The following DLL4 variants were observed in gnomAD, a reference collection of about 807,000 sequenced individuals.
DLL4 encodes delta-like protein 4.
Under a neutral mutation model 73.6 loss-of-function variants are expected in DLL4, and 7 were observed. That is an observed-to-expected ratio of 0.10 (90% confidence interval 0.05 to 0.18). The LOEUF is 0.18. Among genes scored for constraint, DLL4 ranks in the 10% least tolerant of loss-of-function variants. DLL4 has a pLI of 1.00. For missense variants in DLL4, 614 were observed against 929.9 expected (o/e 0.66, Z 4.42); for synonymous variants, 345 against 374.3 (o/e 0.92, Z 0.90).
chr15:40,931,628 A>G lies in DLL4; in HGVS notation c.520A>G (p.Ile174Val), dbSNP rs1892772500. Residue 174 changes from isoleucine (I) to valine (V), a missense_variant, in exon 4 of 11, where the codon ATC becomes GTC. Ile to Val is a conservative substitution (Grantham distance 29). Coordinates refer to ENST00000249749, the MANE Select transcript of DLL4 (RefSeq NM_019074.4). The stretch of plus-strand genomic sequence containing the variant: ...AAGGCTGCGCTACTCTTACCGGGTC[A>G]TCTGCAGTGACAACTACTATGGAGA... ...LTRLRYSYRV[I>V]CSDNYYGDNC... 6.2e-7 allele frequency: 1 copy of G among 1,613,366 alleles called. No homozygotes were observed. Among genetic ancestry groups the G allele is most frequent in the African/African-American group, 1.3e-5 (1 of 74,948 alleles).
chr15:40,931,098 C>T, intron 3 of DLL4: 1 of 374,084 alleles, frequency 2.7e-6, no homozygotes, highest in Non-Finnish European at 4.8e-6. Flanking sequence ...CATTACCCAC[C>T]TCTGGAGGCA....
chr15:40,930,058 A>G lies in DLL4; in HGVS notation c.278A>G (p.Asp93Gly). The G allele has an allele frequency of 6.2e-7, 1 of 1,612,688 alleles. No individual in the cohort carries two copies. ...GGCACCAACTCCTTCGCTGTCCGGG[A>G]CGACAGTAGCGGCGGGGGGCGCAAC... is the stretch of plus-strand genomic sequence containing the variant. ...VLGTNSFAVR[D>G]DSSGGGRNPL... Residue 93 changes from aspartate (D) to glycine (G), a missense_variant, in exon 2 of 11, where the codon GAC becomes GGC. Asp to Gly is a moderately conservative substitution (Grantham distance 94). This residue lies in a region of DLL4 where 227 missense variants were observed against 370.8 expected (regional missense o/e 0.61). Transcript: ENST00000249749. This position sits in a 1 kb window ranked among gnomAD's most constrained non-coding sequence, Gnocchi z 5.7.
rs752743235 is a variant in DLL4 at position 40,937,468 on chromosome 15, T to C, written c.1994T>C (p.Met665Thr). The C allele has an allele frequency of 3.1e-6, 5 of 1,613,892 alleles. No individual in the cohort carries two copies. The Admixed American group carries it at 6.7e-5, about 22-fold the overall frequency. Residue 665 changes from methionine to threonine, a missense_variant, in exon 10 of 11, where the codon ATG becomes ACG. Transcript: ENST00000249749. ...ISAICSPRDS[M>T]YQSVCLISEE... ...GCGATATGCTCCCCCAGGGACTCCA[T>C]GTACCAGTCTGTGTGTTTGATATCA... is the stretch of plus-strand genomic sequence containing the variant.
At position 40,930,492 on chromosome 15, in the gene DLL4, C is replaced by T; in HGVS notation, c.337-133C>T. On this transcript the variant is annotated intron_variant, in intron 2 of 10. Transcript: ENST00000249749. This position sits in a 1 kb window ranked among gnomAD's most constrained non-coding sequence, Gnocchi z 5.7. ...TGCTCAAGCGCTACACTGTGCACAG[C>T]CCCGTTATGTTGACCCGGGCGCAGT... 1 of 777,986 alleles carries T rather than the reference C, an allele frequency of 1.3e-6. No individual in the cohort carries two copies. 48.2% of individuals were successfully genotyped at this position (777,986 alleles called of 1,614,324 possible).
At position 40,932,458 on chromosome 15, in the gene DLL4, G is replaced by T. The variant is rs1892783750; in HGVS notation, c.850+11G>T. ...TGTTTTGTGACCAAGGTGAGTCAGG[G>T]TGAAGAGAGGGTGCAGAGGGTGCAA... is the stretch of plus-strand genomic sequence containing the variant. On this transcript the variant is annotated intron_variant, in intron 6 of 10. Coordinates refer to ENST00000249749, the MANE Select transcript of DLL4 (RefSeq NM_019074.4). 1 of 1,613,818 alleles carries T rather than the reference G, an allele frequency of 6.2e-7. No homozygotes were observed. The highest frequency in any genetic ancestry group is 8.5e-7 in the Non-Finnish European group (1 of 1,179,858).
chr15:40,931,350 C>T, intron 3 of DLL4, 153 bp from the exon 4 acceptor site: 1 of 918,720 alleles, frequency 1.1e-6, no homozygotes, highest in South Asian at 1.6e-5. Flanking sequence ...GTCCCTCTGG[C>T]CTGTTCTTGC....
At position 40,929,400 on chromosome 15, in the gene DLL4, TG is replaced by T. The variant is rs2140368105; in HGVS notation, c.-267del. 2.3e-6 allele frequency: 1 copy of T among 438,468 alleles called. No individual in the cohort carries two copies. The highest frequency in any genetic ancestry group is 6.0e-5 in the South Asian group (1 of 16,684). 27.2% of individuals were successfully genotyped at this position (438,468 alleles called of 1,614,324 possible). On this transcript the variant is annotated 5_prime_UTR_variant, in exon 1 of 11. Transcript: ENST00000249749. The surrounding 1 kb of genome is among the most constrained non-coding windows in gnomAD (Gnocchi z 7.1). ...CCAAGAGCCGCAGCCCCAGCCGCCT[TG>T]GTGCAGCGTACACCGGCACTAGCCC...
At chr15:40,933,340 C>T (rs139544771) in intron 6 of DLL4, among the ~76,000 whole-genome samples, 100 of 151,614 alleles carry the variant, frequency 6.6e-4, no homozygotes, top group African/African-American at 2.3e-3. Context: ...ACTCACACAC[C>T]TGGTTCCTGC....
Position 40,934,574 on chromosome 15 carries a change from C to T in DLL4, c.877C>T (p.Pro293Ser). 1.2e-6 allele frequency: 2 copies of T among 1,613,838 alleles called. No individual in the cohort carries two copies. Among genetic ancestry groups the T allele is most frequent in the African/African-American group, 1.3e-5 (1 of 75,008 alleles). Residue 293 changes from proline to serine, a missense_variant, in exon 7 of 11, where the codon CCA becomes TCA. Physicochemically the swap from Pro to Ser is moderately conservative, Grantham distance 74. This residue lies in a region of DLL4 where 386 missense variants were observed against 541.3 expected (regional missense o/e 0.71). Transcript: ENST00000249749. ...TCTCAACTACTGCACCCACCACTCC[C>T]CATGCAAGAATGGGGCAACGTGCTC... ...QDLNYCTHHSPCKNGATCSNS... is the reference protein window; with the variant it reads ...QDLNYCTHHSSCKNGATCSNS...
chr15:40,934,517 C>G (rs752047601), intron 6 of DLL4, 31 bp from the exon 7 acceptor site: 1 of 1,609,544 alleles, frequency 6.2e-7, no homozygotes, highest in African/African-American at 1.3e-5. Flanking sequence ...TTCCCTGGCC[C>G]TGCTCAGCTG....
Position 40,936,998 on chromosome 15 carries a change from A to C in DLL4, c.1943+68A>C, listed in dbSNP as rs1892856041. On this transcript the variant is annotated intron_variant, in intron 9 of 10. Transcript: ENST00000249749. ...ACATGGTTCTGCCTAGGCTCCTCTT[A>C]GGCCAGGCGGGAAGCAGTTAAGCAG... The C allele has an allele frequency of 1.1e-5, 15 of 1,359,634 alleles. No individual in the cohort carries two copies. The South Asian group carries it at 2.2e-4, about 20-fold the overall frequency. The allele number at this position is 1,359,634 out of a possible 1,614,324, so 84.2% of individuals were successfully genotyped here. A position where few individuals can be genotyped will look rare whatever the true frequency, so the allele number is the denominator to read the frequency against.
chr15:40,937,364 C>A (rs1892859665), intron 9 of DLL4, 54 bp from the exon 10 acceptor site: 4 of 1,272,934 alleles, frequency 3.1e-6, no homozygotes, highest in African/African-American at 1.5e-5. Flanking sequence ...GGTCCTCCCT[C>A]CCCCCAAGCC....
In DLL4 at chr15:40,929,716, G is replaced by A; in HGVS notation, c.48G>A (p.Leu16=). The A allele has an allele frequency of 1.3e-6, 2 of 1,597,550 alleles. No individual in the cohort carries two copies. The highest frequency in any genetic ancestry group is 1.7e-6 in the Non-Finnish European group (2 of 1,177,106). ...RSASGWALLL[L]VALWQQRAAG... ...CCTCTGGCTGGGCGCTACTGCTGCT[G>A]GTGGCACTTTGGCAGCAGGTAACAC... Residue 16 remains leucine, a synonymous_variant, in exon 1 of 11, where the codon CTG becomes CTA. Transcript: ENST00000249749. The surrounding 1 kb of genome is among the most constrained non-coding windows in gnomAD (Gnocchi z 7.1).
Position 40,938,302 on chromosome 15 carries a change from C to A in DLL4, c.*268C>A, listed in dbSNP as rs1248322885. On this transcript the variant is annotated 3_prime_UTR_variant, in exon 11 of 11. Transcript: ENST00000249749. ...AGAGATGCCACTGGGCACTGCCCTGCCAGTAGTGGCCTTCAGGGGGCTCCT... is the reference window on the plus strand; with the variant it reads ...AGAGATGCCACTGGGCACTGCCCTGACAGTAGTGGCCTTCAGGGGGCTCCT... The A allele has an allele frequency of 8.3e-6, 3 of 363,352 alleles. No homozygotes were observed. The highest frequency in any genetic ancestry group is 2.1e-5 in the African/African-American group (1 of 47,686). The allele number at this position is 363,352 out of a possible 1,614,324, so 22.5% of individuals were successfully genotyped here.
intron 6 of DLL4, 39 bp from the exon 7 acceptor site, chr15:40,934,509 C>T: frequency 6.2e-7 from 1 of 1,604,820 alleles, no homozygotes; most frequent in Non-Finnish European, 8.5e-7. Flanking sequence ...TGAGTGCATT[C>T]CCTGGCCCTG....
Position 40,934,701 on chromosome 15 carries a change from A to G in DLL4, c.1004A>G (p.Asn335Ser). Residue 335 changes from asparagine to serine, a missense_variant, in exon 7 of 11, where the codon AAT (asparagine) becomes AGT (serine). Transcript: ENST00000249749. The part of the protein sequence containing the change: ...LSECDSNPCR[N>S]GGSCKDQEDG... ...GAGTGTGACAGCAACCCCTGTCGCA[A>G]TGGAGGCAGCTGTAAGGTGAGGCCC... is the stretch of plus-strand genomic sequence containing the variant. 2.5e-6 allele frequency: 4 copies of G among 1,613,778 alleles called. No individual in the cohort carries two copies. In the East Asian group the frequency reaches 6.7e-5, roughly 27 times the overall value.
In DLL4 at chr15:40,930,217, A is replaced by C. The variant is rs1314528059; in HGVS notation, c.336+101A>C. 1.8e-5 allele frequency: 25 copies of C among 1,360,716 alleles called. No individual in the cohort carries two copies. Among genetic ancestry groups the C allele is most frequent in the African/African-American group, 1.2e-4 (8 of 65,098 alleles). The allele number at this position is 1,360,716 out of a possible 1,614,324, so 84.3% of individuals were successfully genotyped here. Reference sequence around the variant, plus strand: ...CAGATTTCCTTGTACACACACCCCCACCCCCAAAAAGCCCAGGATGCATTC... The same window carrying C: ...CAGATTTCCTTGTACACACACCCCCCCCCCCAAAAAGCCCAGGATGCATTC... On this transcript the variant is annotated intron_variant, in intron 2 of 10. Transcript: ENST00000249749. This position sits in a 1 kb window ranked among gnomAD's most constrained non-coding sequence, Gnocchi z 5.7.
rs146665183 is a variant in DLL4, at chr15:40,934,635, G to T, written c.938G>T (p.Arg313Leu). 1 of 1,613,786 alleles carries T rather than the reference G, an allele frequency of 6.2e-7. No homozygotes were observed. The highest frequency in any genetic ancestry group is 8.5e-7 in the Non-Finnish European group (1 of 1,179,882). Residue 313 changes from arginine (R) to leucine (L), a missense_variant, in exon 7 of 11, where the codon CGC becomes CTC. Around this residue, in one of 3 missense-constraint regions of DLL4, gnomAD observed 386 missense variants for 541.3 expected, o/e 0.71. Transcript: ENST00000249749. ...SGQRSYTCTC[R>L]PGYTGVDCEL... ...CAGCGAAGCTACACCTGCACCTGTC[G>T]CCCAGGCTACACTGGTGTGGACTGT...
Position 40,930,840 on chromosome 15 carries a change from G to A in DLL4, c.394+158G>A, listed in dbSNP as rs1892759539. ...CGCGCTGGACGCTCGGATTCCGCTC[G>A]CTGCCTGGACTCAGAGCACAATTGC... On this transcript the variant is annotated intron_variant, in intron 3 of 10. Transcript: ENST00000249749. The surrounding 1 kb of genome is among the most constrained non-coding windows in gnomAD (Gnocchi z 5.7). 5.5e-6 allele frequency: 4 copies of A among 726,462 alleles called. No individual in the cohort carries two copies. In the South Asian group the frequency reaches 7.3e-5, roughly 13 times the overall value. The allele number at this position is 726,462 out of a possible 1,614,324, so 45.0% of individuals were successfully genotyped here. A position where few individuals can be genotyped will look rare whatever the true frequency, so the allele number is the denominator to read the frequency against.
Sources: gnomAD v4.1 joint callset for allele counts (sites outside exome capture counted in the v4.1 genomes callset) on GRCh38, gnomAD v4.1.1 for gene constraint, gnomAD v4.1.1 regional missense constraint, Gnocchi (gnomAD v3.1) non-coding constraint, MANE v1.5 for transcripts, NCBI Gene and HGNC (gene_info 2026-07-23, HGNC 2026-07-21) for gene names.